Variants in PLCE1 observed in about 807,000 individuals in gnomAD.
PLCE1 encodes the protein 1-phosphatidylinositol 4,5-bisphosphate phosphodiesterase epsilon-1.
PLCE1 carries 119 observed loss-of-function variants against 242.8 expected under a neutral mutation model. The observed-to-expected ratio is 0.49, with a 90% CI of 0.42 to 0.57. PLCE1 has a LOEUF of 0.57. Ranked by LOEUF, PLCE1 falls within the 20% of genes least tolerant of loss-of-function variation. PLCE1 has a pLI of 0.00. For missense variants in PLCE1, 2,441 were observed against 2,788.8 expected (o/e 0.88, Z 2.81); for synonymous variants, 945 against 1,017.4 (o/e 0.93, Z 1.35).
Position 94,259,008 on chromosome 10 carries a change from A to G in PLCE1, c.3678-6A>G. The G allele has an allele frequency of 6.2e-7, 1 of 1,614,072 alleles. No homozygotes were observed. The highest frequency in any genetic ancestry group is 8.5e-7 in the Non-Finnish European group (1 of 1,179,988). On this transcript the variant is annotated splice_region_variant and splice_polypyrimidine_tract_variant and intron_variant, in intron 12 of 32. Coordinates refer to ENST00000371380, the MANE Select transcript of PLCE1 (RefSeq NM_016341.4). ...CAATGAGAGGTGTTTTCCATTCCTC[A>G]TTCAGTGTCAGGAGCCGCAAGGACC...
At position 94,332,272 on chromosome 10, in the gene PLCE1, A is replaced by G. The variant is rs1339648826; in HGVS notation, c.*4329A>G. 2 of 152,176 alleles carry G rather than the reference A, an allele frequency of 1.3e-5. No homozygotes were observed. Among genetic ancestry groups the G allele is most frequent in the Non-Finnish European group, 2.9e-5 (2 of 68,036 alleles). 9.4% of individuals were successfully genotyped at this position (152,176 alleles called of 1,614,324 possible). On this transcript the variant is annotated 3_prime_UTR_variant, in exon 33 of 33. Transcript: ENST00000371380. Reference sequence around the variant, plus strand: ...CTATTGCAGATGACATAGGTCTCTAAACTTTTGACACAAGTAATTCTAACA... The same window carrying G: ...CTATTGCAGATGACATAGGTCTCTAGACTTTTGACACAAGTAATTCTAACA...
chr10:94,087,554 A>T (rs1010590194), intron 2 of PLCE1, among the ~76,000 whole-genome samples: 11 of 151,688 alleles, frequency 7.3e-5, no homozygotes, highest in Non-Finnish European at 4.4e-5. Flanking sequence ...CTCCTACCTC[A>T]GCCTGTCAAG....
chr10:94,213,953 T>TAAA (rs2049428753), intron 4 of PLCE1, among the ~76,000 whole-genome samples: 1 of 152,178 alleles, frequency 6.6e-6, no homozygotes, highest in South Asian at 2.1e-4. Flanking sequence ...CCACACTCCT[T>TAAA]ATGATACCGG....
Position 94,329,415 on chromosome 10 carries a change from AC to A in PLCE1, c.*1473del, listed in dbSNP as rs2133962409. ...TCACTCCTAAACTTCACTTTGAGAA[AC>A]TTTTTTAACCAATTATAAAAATAAA... On this transcript the variant is annotated 3_prime_UTR_variant, in exon 33 of 33. Transcript: ENST00000371380. 6.6e-6 allele frequency: 1 copy of A among 152,326 alleles called. No homozygotes were observed. The highest frequency in any genetic ancestry group is 2.4e-5 in the African/African-American group (1 of 41,582). The allele number at this position is 152,326 out of a possible 1,614,324, so 9.4% of individuals were successfully genotyped here.
chr10:94,180,415 A>T (rs752155928), intron 4 of PLCE1, among the ~76,000 whole-genome samples: 2 of 152,160 alleles, frequency 1.3e-5, no homozygotes, highest in Non-Finnish European at 2.9e-5. Flanking sequence ...GGGATAATTT[A>T]TCATTTCCAC....
intron 2 of PLCE1, among the ~76,000 whole-genome samples, chr10:94,036,026 A>G (rs145851475): frequency 6.6e-6 from 1 of 152,198 alleles, no homozygotes; most frequent in Non-Finnish European, 1.5e-5. Flanking sequence ...AATGGTTACA[A>G]ATACAGTCTC....
chr10:94,036,673 A>G (rs563831580), intron 2 of PLCE1, among the ~76,000 whole-genome samples: 72 of 152,286 alleles, frequency 4.7e-4, no homozygotes, highest in African/African-American at 1.7e-3. Context: ...ATGGGTGGCT[A>G]AAGTCTCCAA....
At position 94,148,289 on chromosome 10, in the gene PLCE1, G is replaced by T. The variant is rs574035139; in HGVS notation, c.1492+15830G>T. ...ATGCAGGATATGTCTCAGGATGGGGGCTGGAGGGTTCATGTTTGGCAGGAG... is the reference window on the plus strand; with the variant it reads ...ATGCAGGATATGTCTCAGGATGGGGTCTGGAGGGTTCATGTTTGGCAGGAG... On this transcript the variant is annotated intron_variant, in intron 3 of 32. Transcript: ENST00000371380. Among the ~76,000 whole-genome samples, 386 of 152,216 alleles carry T rather than the reference G, an allele frequency of 2.5e-3. 3 individuals carry two copies. Among genetic ancestry groups the T allele is most frequent in the African/African-American group, 9.1e-3 (376 of 41,530 alleles).
chr10:94,303,249 G>A (rs1479098302), intron 24 of PLCE1, among the ~76,000 whole-genome samples: 2 of 152,198 alleles, frequency 1.3e-5, no homozygotes, highest in Admixed American at 6.5e-5. Context: ...TACAGAGTTC[G>A]TTCTTACACA....
intron 14 of PLCE1, among the ~76,000 whole-genome samples, chr10:94,265,173 G>C (rs758905729): frequency 1.3e-5 from 2 of 152,228 alleles, no homozygotes; most frequent in Non-Finnish European, 2.9e-5. Flanking sequence ...CTGGGTATCA[G>C]TGTATTAGTT....
intron 1 of PLCE1, among the ~76,000 whole-genome samples, chr10:94,019,145 A>C (rs1038049911): frequency 6.6e-6 from 1 of 152,202 alleles, no homozygotes; most frequent in Non-Finnish European, 1.5e-5. Flanking sequence ...AAGCCTAGCA[A>C]GGTTGAGTTA....
chr10:94,276,439 A>G (rs2051956701), intron 19 of PLCE1, among the ~76,000 whole-genome samples: 1 of 152,180 alleles, frequency 6.6e-6, no homozygotes, highest in Non-Finnish European at 1.5e-5. Context: ...AGCACTTTGA[A>G]AAACAGATTC....
chr10:94,037,822 G>C lies in PLCE1; in HGVS notation c.1206+5570G>C, dbSNP rs191405564. The stretch of plus-strand genomic sequence containing the variant: ...CAGCCCTTTGGCTAAGATTTGGTAA[G>C]AGCGGGAATGAAAAACCTTGACTCT... On this transcript the variant is annotated intron_variant, in intron 2 of 32. Coordinates refer to ENST00000371380, the MANE Select transcript of PLCE1 (RefSeq NM_016341.4). Among the ~76,000 whole-genome samples the C allele has an allele frequency of 2.0e-3, 302 of 152,320 alleles. 1 individual carries two copies. The highest frequency in any genetic ancestry group is 3.4e-3 in the Non-Finnish European group (231 of 68,034).
chr10:94,124,116 T>C (rs2046372815), intron 2 of PLCE1, among the ~76,000 whole-genome samples: 1 of 151,990 alleles, frequency 6.6e-6, no homozygotes, highest in Non-Finnish European at 1.5e-5. Context: ...GGGTATGATA[T>C]AGGGTAAAAT....
intron 4 of PLCE1, among the ~76,000 whole-genome samples, chr10:94,194,549 G>A (rs1178002004): frequency 6.6e-6 from 1 of 152,202 alleles, no homozygotes; most frequent in Non-Finnish European, 1.5e-5. Flanking sequence ...CACAATTCCA[G>A]AGGGCACTGT....
chr10:94,222,746 C>T (rs1170505523), intron 4 of PLCE1, among the ~76,000 whole-genome samples: 4 of 152,178 alleles, frequency 2.6e-5, no homozygotes, highest in Non-Finnish European at 5.9e-5. Flanking sequence ...CAAGTTCAAA[C>T]CCTGTCCACA....
intron 1 of PLCE1, among the ~76,000 whole-genome samples, chr10:94,020,130 T>G (rs1244386999): frequency 1.3e-5 from 2 of 152,220 alleles, no homozygotes; most frequent in African/African-American, 4.8e-5. Context: ...TGACCAGCAA[T>G]GTTGCAGTTG....
intron 20 of PLCE1, among the ~76,000 whole-genome samples, chr10:94,282,946 G>A (rs556883269): frequency 6.6e-6 from 1 of 152,102 alleles, no homozygotes; most frequent in African/African-American, 2.4e-5. Context: ...CAAATGTAAT[G>A]AAATGATTTA....
chr10:94,047,302 G>A (rs898021915), intron 2 of PLCE1, among the ~76,000 whole-genome samples: 1 of 152,152 alleles, frequency 6.6e-6, no homozygotes, highest in Non-Finnish European at 1.5e-5. Flanking sequence ...GGAGAAGTGG[G>A]ATATTAGTTC....
Sources: gnomAD v4.1 joint callset for allele counts (sites outside exome capture counted in the v4.1 genomes callset) on GRCh38, gnomAD v4.1.1 for gene constraint, MANE v1.5 for transcripts, NCBI Gene and HGNC (gene_info 2026-07-23, HGNC 2026-07-21) for gene names.